Variants in UBAP2 observed in about 807,000 individuals in gnomAD.
UBAP2 encodes ubiquitin-associated protein 2.
A neutral mutation model predicts 139.6 loss-of-function variants in UBAP2; 75 were observed. That is an observed-to-expected ratio of 0.54 (90% CI 0.45 to 0.65). The LOEUF is 0.65. Ranked by LOEUF, UBAP2 falls within the 30% of genes least tolerant of loss-of-function variation. The pLI is 0.00. For synonymous variants in UBAP2, 526 were observed against 526.2 expected, an observed-to-expected ratio of 1.00 and a Z score of 0.01; for missense variants, 1,368 against 1,369.6, an observed-to-expected ratio of 1.00 and a Z score of 0.02.
At chr9:33,969,802 G>T (rs1043396491) in intron 8 of UBAP2, among the ~76,000 whole-genome samples, 16 of 151,234 alleles carry the variant, frequency 1.1e-4, no homozygotes, top group African/African-American at 3.9e-4. Context: ...GGAGGTGGAG[G>T]TTGCAGTGAG....
At chr9:33,941,997 A>C (rs573122795) in intron 15 of UBAP2, 135 bp from the exon 16 acceptor site, 2 of 647,504 alleles carry the variant, frequency 3.1e-6, no homozygotes, top group South Asian at 3.9e-5. Context: ...ACCTAATTTA[A>C]CTGAGAGATA....
chr9:33,945,229 T>A (rs574339595), intron 13 of UBAP2, among the ~76,000 whole-genome samples: 4 of 152,222 alleles, frequency 2.6e-5, no homozygotes, highest in African/African-American at 9.6e-5. Flanking sequence ...CTGGGCGCAG[T>A]GGCTCACGCC....
At chr9:34,001,799 G>A (rs1010523436) in intron 2 of UBAP2, among the ~76,000 whole-genome samples, 2 of 152,004 alleles carry the variant, frequency 1.3e-5, no homozygotes, top group African/African-American at 4.8e-5. Context: ...AGCAGATTCA[G>A]GTAGCCTTGT....
intron 2 of UBAP2, among the ~76,000 whole-genome samples, chr9:34,000,541 C>A (rs1169074584): frequency 6.6e-6 from 1 of 152,146 alleles, no homozygotes; most frequent in Non-Finnish European, 1.5e-5. Context: ...TCTATTAAAT[C>A]TAAAATTACT....
rs766356415 is a variant in UBAP2 at position 33,989,064 on chromosome 9, T to A, written c.351A>T (p.Lys117Asn). Residue 117 changes from lysine (K) to asparagine (N), a missense_variant, in exon 5 of 29, where the codon AAA (lysine) becomes AAT (asparagine). By Grantham distance (94) the Lys-to-Asn change is moderately conservative. Coordinates refer to ENST00000379238, the MANE Select transcript of UBAP2 (RefSeq NM_001370062.2). ...TCTCGCTTTTCTTCTCTCTATTCTC[T>A]TTGTTTTCTGAATTTTCTTTTGCAA... The part of the protein sequence containing the change: ...KNFAKENSEN[K>N]ENREKKSEKE... The A allele has an allele frequency of 6.2e-7, 1 of 1,614,064 alleles. No individual in the cohort carries two copies. The highest frequency in any genetic ancestry group is 8.5e-7 in the Non-Finnish European group (1 of 1,179,990).
At chr9:33,941,928 A>C in intron 15 of UBAP2, 66 bp from the exon 16 acceptor site, 1 of 1,097,082 alleles carries the variant, frequency 9.1e-7, no homozygotes, top group East Asian at 2.5e-5. Flanking sequence ...AAAAAAAAAA[A>C]CATAAACAGC....
At chr9:33,943,676 G>C in intron 14 of UBAP2, 87 bp from the exon 15 acceptor site, 3 of 1,301,584 alleles carry the variant, frequency 2.3e-6, no homozygotes, top group South Asian at 1.4e-5. Context: ...AAGCATTTAG[G>C]TTCCCAGGCA....
chr9:33,983,866 C>T (rs1335879870), intron 6 of UBAP2, among the ~76,000 whole-genome samples: 2 of 152,142 alleles, frequency 1.3e-5, no homozygotes, highest in African/African-American at 2.4e-5. Context: ...TACCAATTTA[C>T]TATGTGGCAT....
intron 1 of UBAP2, among the ~76,000 whole-genome samples, chr9:34,037,997 C>CAAAA (rs72361484): frequency 4.6e-5 from 4 of 87,362 alleles, no homozygotes; most frequent in African/African-American, 4.5e-5. Flanking sequence ...CCTGTCTCTA[C>CAAAA]AAAAAAAAAA....
At chr9:33,993,821 G>C (rs1279334855) in intron 4 of UBAP2, among the ~76,000 whole-genome samples, 1 of 151,724 alleles carries the variant, frequency 6.6e-6, no homozygotes, top group South Asian at 2.1e-4. Context: ...CAAGAAGTCA[G>C]ATATAGCCCA....
intron 20 of UBAP2, among the ~76,000 whole-genome samples, chr9:33,927,425 G>A (rs1823542605): frequency 6.6e-6 from 1 of 152,210 alleles, no homozygotes; most frequent in African/African-American, 2.4e-5. Flanking sequence ...GAGAGGGACA[G>A]GCTGAGTTCG....
Position 33,973,176 on chromosome 9 carries a change from CACTT to C in UBAP2, c.575+3_575+6del. The C allele has an allele frequency of 1.2e-6, 2 of 1,613,714 alleles. No homozygotes were observed. Among genetic ancestry groups the C allele is most frequent in the Non-Finnish European group, 8.5e-7 (1 of 1,179,714 alleles). On this transcript the variant is annotated splice_donor_5th_base_variant and intron_variant, in intron 7 of 28. Transcript: ENST00000379238. ...ATAATTATAAAAATAGGATGGCTAT[CACTT>C]ACCCCATGCCTTGGGTTGAGAACCT... is the stretch of plus-strand genomic sequence containing the variant.
chr9:34,044,509 G>A (rs1402624969), intron 1 of UBAP2, among the ~76,000 whole-genome samples: 2 of 151,838 alleles, frequency 1.3e-5, no homozygotes, highest in Non-Finnish European at 2.9e-5. Flanking sequence ...AGGTTACAGT[G>A]AGCCAAGGCA....
Position 33,922,165 on chromosome 9 carries a change from G to A in UBAP2, c.*339C>T, listed in dbSNP as rs1015414059. On this transcript the variant is annotated 3_prime_UTR_variant, in exon 29 of 29. Coordinates refer to ENST00000379238, the MANE Select transcript of UBAP2 (RefSeq NM_001370062.2). ...CCAGCCCTTCCAGAGACTGCCCCTA[G>A]TGGCCCACTGGGCAGTGCAGGCTGT... 11 of 273,294 alleles carry A rather than the reference G, an allele frequency of 4.0e-5. No homozygotes were observed. Among genetic ancestry groups the A allele is most frequent in the Non-Finnish European group, 7.0e-5 (10 of 143,342 alleles). 16.9% of individuals were successfully genotyped at this position (273,294 alleles called of 1,614,324 possible).
intron 16 of UBAP2, among the ~76,000 whole-genome samples, chr9:33,940,092 G>A (rs556195860): frequency 2.3e-4 from 35 of 152,030 alleles, no homozygotes; most frequent in Admixed American, 1.8e-3. Flanking sequence ...AGAAAAAAAG[G>A]AGGAGGAGGA....
At chr9:33,984,508 A>ATT (rs35777214) in intron 6 of UBAP2, among the ~76,000 whole-genome samples, 1 of 149,288 alleles carries the variant, frequency 6.7e-6, no homozygotes, top group South Asian at 2.1e-4. Flanking sequence ...TAAAAAAAAA[A>ATT]TTTTTTTTTT....
intron 22 of UBAP2, among the ~76,000 whole-genome samples, 192 bp from the exon 23 acceptor site, chr9:33,924,476 T>C (rs1414672001): frequency 2.0e-5 from 3 of 152,082 alleles, no homozygotes; most frequent in Non-Finnish European, 4.4e-5. Flanking sequence ...GCCTAACACA[T>C]AAGCACACAG....
chr9:34,047,946 G>T (rs766891299), intron 1 of UBAP2, among the ~76,000 whole-genome samples: 2 of 152,208 alleles, frequency 1.3e-5, no homozygotes, highest in Non-Finnish European at 2.9e-5. Flanking sequence ...TCCAATAGAA[G>T]TGGTAGTAAA....
chr9:33,979,191 T>C (rs1424308343), intron 6 of UBAP2, among the ~76,000 whole-genome samples: 1 of 152,174 alleles, frequency 6.6e-6, no homozygotes, highest in African/African-American at 2.4e-5. Context: ...TGAGCTATGA[T>C]CATGCCACTG....
Sources: allele counts gnomAD v4.1 joint callset (sites outside exome capture counted in the v4.1 genomes callset), GRCh38; gene constraint gnomAD v4.1.1; transcripts MANE v1.5; gene names NCBI Gene and HGNC (gene_info 2026-07-23, HGNC 2026-07-21).